XRCC4: variants seen among roughly 807,000 people sequenced by gnomAD.
The protein encoded by XRCC4 is DNA repair protein XRCC4.
XRCC4 carries 28 observed loss-of-function variants against 39.1 expected under a neutral mutation model. The ratio of observed to expected loss-of-function variants is 0.72; its 90% CI spans 0.53 to 0.98. The LOEUF (loss-of-function observed/expected upper bound fraction) is 0.98, where lower values mean the gene tolerates loss of function less well. Ranked by LOEUF, XRCC4 falls within the 50% of genes least tolerant of loss-of-function variation. XRCC4 has a pLI of 0.00. For synonymous variants in XRCC4, 123 were observed against 126.4 expected (o/e 0.97, Z 0.18); for missense variants, 350 against 376.4 (o/e 0.93, Z 0.58).
intron 3 of XRCC4, among the ~76,000 whole-genome samples, chr5:83,127,130 C>A (rs1362427027): frequency 6.6e-6 from 1 of 151,996 alleles, no homozygotes; most frequent in African/African-American, 2.4e-5. Context: ...TGAGTTAAGA[C>A]TTTTGGGGCT....
At chr5:83,290,460 T>C (rs189209912) in intron 7 of XRCC4, among the ~76,000 whole-genome samples, 4 of 151,382 alleles carry the variant, frequency 2.6e-5, no homozygotes, top group Non-Finnish European at 5.9e-5. Context: ...TTATATATCT[T>C]AAGTATTCTG....
At chr5:83,199,607 G>C (rs1751093705) in intron 4 of XRCC4, among the ~76,000 whole-genome samples, 1 of 151,690 alleles carries the variant, frequency 6.6e-6, no homozygotes, top group African/African-American at 2.4e-5. Flanking sequence ...CATTTAATCT[G>C]TTGTTTCATT....
chr5:83,161,795 T>C (rs1468320299), intron 3 of XRCC4, among the ~76,000 whole-genome samples: 1 of 152,254 alleles, frequency 6.6e-6, no homozygotes, highest in Non-Finnish European at 1.5e-5. Flanking sequence ...TATTATGATT[T>C]CATGTGAATT....
intron 7 of XRCC4, among the ~76,000 whole-genome samples, chr5:83,303,702 A>G (rs1365447414): frequency 6.6e-6 from 1 of 152,150 alleles, no homozygotes; most frequent in Non-Finnish European, 1.5e-5. Context: ...TACAACAGCA[A>G]ATTCACTTAG....
intron 3 of XRCC4, among the ~76,000 whole-genome samples, chr5:83,194,273 G>C (rs906270361): frequency 6.6e-6 from 1 of 152,122 alleles, no homozygotes; most frequent in Admixed American, 6.5e-5. Flanking sequence ...AACTTTGTGT[G>C]TATATTTACA....
intron 3 of XRCC4, among the ~76,000 whole-genome samples, chr5:83,167,896 A>G (rs980930735): frequency 3.3e-5 from 5 of 152,222 alleles, no homozygotes; most frequent in Admixed American, 1.3e-4. Context: ...GCCACAAGAC[A>G]AAGGAGATTT....
rs986271387 is a variant in XRCC4, at chr5:83,104,950, GT to G, written c.34del (p.Ser12LeufsTer5). The G allele has an allele frequency of 1.2e-5, 19 of 1,613,290 alleles. No individual in the cohort carries two copies. The African/African-American group carries it at 2.1e-4, about 18-fold the overall frequency. Reference sequence around the variant, plus strand: ...GAGAAAAATAAGCAGAATCCACCTTGTTTCTGAACCCAGTATAACTCATTTT... The same window carrying G: ...GAGAAAAATAAGCAGAATCCACCTTGTTCTGAACCCAGTATAACTCATTTT... The part of the protein sequence containing the change: MERKISRIHL[V>X]SEPSITHFLQ... On this transcript the variant is annotated frameshift_variant, in exon 2 of 8. Transcript: ENST00000396027. LOFTEE classifies it high-confidence loss of function.
chr5:83,149,400 A>G (rs1748604956), intron 3 of XRCC4, among the ~76,000 whole-genome samples: 1 of 152,016 alleles, frequency 6.6e-6, no homozygotes, highest in African/African-American at 2.4e-5. Context: ...TGTAATGGAT[A>G]TTTCATTATG....
intron 6 of XRCC4, among the ~76,000 whole-genome samples, chr5:83,241,916 TC>T (rs760654795): frequency 6.6e-6 from 1 of 151,288 alleles, no homozygotes; most frequent in Non-Finnish European, 1.5e-5. Flanking sequence ...ACCCTGGCAT[TC>T]CCATTGAGTT....
intron 7 of XRCC4, among the ~76,000 whole-genome samples, chr5:83,320,396 A>C (rs1184497131): frequency 6.6e-6 from 1 of 151,378 alleles, no homozygotes; most frequent in Non-Finnish European, 1.5e-5. Flanking sequence ...AAAATAAAAA[A>C]AAAAAGAAAT....
At chr5:83,232,999 C>T (rs1752553821) in intron 6 of XRCC4, among the ~76,000 whole-genome samples, 1 of 152,164 alleles carries the variant, frequency 6.6e-6, no homozygotes, top group Non-Finnish European at 1.5e-5. Context: ...ATTACCCACT[C>T]TGTTATTTGT....
intron 6 of XRCC4, among the ~76,000 whole-genome samples, chr5:83,220,632 G>C (rs1157762289): frequency 6.6e-6 from 1 of 152,122 alleles, no homozygotes; most frequent in Non-Finnish European, 1.5e-5. Context: ...AAGTATGGTG[G>C]CCAGAAGAAA....
At chr5:83,203,497 T>C in intron 4 of XRCC4, 55 bp from the exon 5 acceptor site, 1 of 1,417,972 alleles carries the variant, frequency 7.1e-7, no homozygotes, top group Non-Finnish European at 9.4e-7. Context: ...GGCTGAATTA[T>C]GTTAATGCTA....
chr5:83,142,073 T>A (rs952222512), intron 3 of XRCC4, among the ~76,000 whole-genome samples: 18 of 152,184 alleles, frequency 1.2e-4, no homozygotes, highest in African/African-American at 4.1e-4. Context: ...TCCTATAGAT[T>A]TTCTATATTT....
intron 6 of XRCC4, among the ~76,000 whole-genome samples, chr5:83,232,968 CAAAA>C (rs1269454780): frequency 3.3e-5 from 5 of 152,096 alleles, no homozygotes; most frequent in South Asian, 2.1e-4. Context: ...TTATGACTGA[CAAAA>C]AAGCCCATGC....
chr5:83,151,115 C>G (rs1020982670), intron 3 of XRCC4, among the ~76,000 whole-genome samples: 6 of 151,840 alleles, frequency 4.0e-5, no homozygotes, highest in Non-Finnish European at 5.9e-5. Flanking sequence ...ACAAAAAATG[C>G]CAAATGTCTC....
intron 6 of XRCC4, among the ~76,000 whole-genome samples, chr5:83,255,058 G>A (rs1326502327): frequency 6.7e-6 from 1 of 149,238 alleles, no homozygotes; most frequent in Non-Finnish European, 1.5e-5. Context: ...TTGCGCTCCA[G>A]CCTGGGCAAC....
At chr5:83,137,949 T>C (rs1269642672) in intron 3 of XRCC4, among the ~76,000 whole-genome samples, 1 of 152,172 alleles carries the variant, frequency 6.6e-6, no homozygotes, top group Non-Finnish European at 1.5e-5. Context: ...GTTTGCATAG[T>C]GGACAGAACA....
At chr5:83,096,319 G>C (rs534523455) in intron 1 of XRCC4, among the ~76,000 whole-genome samples, 7 of 152,246 alleles carry the variant, frequency 4.6e-5, no homozygotes, top group South Asian at 4.1e-4. Context: ...CCACAGATGA[G>C]GGGGGCTGGA....
Sources: gnomAD v4.1 joint callset for allele counts (sites outside exome capture counted in the v4.1 genomes callset) on GRCh38, gnomAD v4.1.1 for gene constraint, MANE v1.5 for transcripts, NCBI Gene and HGNC (gene_info 2026-07-23, HGNC 2026-07-21) for gene names.